CREB5: variants seen among roughly 807,000 people sequenced by gnomAD.
CREB5 encodes the protein cAMP responsive element binding protein 5, also known as cyclic AMP-responsive element-binding protein 5.
A neutral mutation model predicts 57.1 loss-of-function variants in CREB5; 19 were observed. The ratio of observed to expected loss-of-function variants is 0.33; its 90% confidence interval spans 0.23 to 0.49. CREB5 has a LOEUF of 0.49. Among genes scored for constraint, CREB5 ranks in the 20% least tolerant of loss-of-function variants. CREB5 has a pLI of 0.99. For missense variants in CREB5, 579 were observed against 671.6 expected, an observed-to-expected ratio of 0.86 and a Z score of 1.52; for synonymous variants, 238 against 238.3, an observed-to-expected ratio of 1.00 and a Z score of 0.01.
intron 5 of CREB5, among the ~76,000 whole-genome samples, chr7:28,611,895 A>T (rs160373): frequency 2.0e-5 from 3 of 152,082 alleles, no homozygotes; most frequent in Admixed American, 6.5e-5. Flanking sequence ...TATGTAAATT[A>T]TAACTTGACA....
chr7:28,367,154 G>A (rs1786604208), intron 1 of CREB5, among the ~76,000 whole-genome samples: 1 of 151,158 alleles, frequency 6.6e-6, no homozygotes, highest in Non-Finnish European at 1.5e-5. Context: ...TAAGTGTTGA[G>A]CAAAATGGGT....
At chr7:28,577,834 G>A (rs943806925) in intron 5 of CREB5, among the ~76,000 whole-genome samples, 3 of 152,102 alleles carry the variant, frequency 2.0e-5, no homozygotes, top group African/African-American at 7.2e-5. Flanking sequence ...ACTTCTCTGG[G>A]GACTCAGTGC....
chr7:28,591,939 T>C (rs1796536559), intron 5 of CREB5, among the ~76,000 whole-genome samples: 1 of 152,018 alleles, frequency 6.6e-6, no homozygotes, highest in East Asian at 1.9e-4. Context: ...AGATTTCCAA[T>C]TGAATTGAAT....
chr7:28,643,431 A>G (rs1454008718), intron 5 of CREB5, among the ~76,000 whole-genome samples: 1 of 152,180 alleles, frequency 6.6e-6, no homozygotes, highest in East Asian at 1.9e-4. Context: ...TCATTTTTCC[A>G]TTCACTTTCA....
chr7:28,507,620 A>T lies in CREB5; in HGVS notation c.174A>T (p.Gln58His), dbSNP rs145890705. ...SIKTDNMLSD[Q>H]TPTPTRFLKN... is the part of the protein sequence containing the mutation. ...GCTCTCCGACTCTGTTTTCAGATCA[A>T]ACTCCGACCCCAACGAGATTCCTGA... is the stretch of plus-strand genomic sequence containing the variant. Residue 58 changes from glutamine to histidine, a missense_variant, in exon 4 of 11, where the codon CAA (glutamine) becomes CAT (histidine). Gln to His is a conservative substitution (Grantham distance 24, BLOSUM62 0). Transcript: ENST00000357727. The T allele has an allele frequency of 1.2e-6, 2 of 1,609,526 alleles. No homozygotes were observed. The highest frequency in any genetic ancestry group is 1.7e-6 in the Non-Finnish European group (2 of 1,176,686).
rs1795180804 is a variant in CREB5, at chr7:28,560,921, T to TGTGC, written c.292-9443_292-9442insTGCG. Among the ~76,000 whole-genome samples, 37 of 40,572 alleles carry TGTGC rather than the reference T, an allele frequency of 9.1e-4. 1 individual carries two copies. The highest frequency in any genetic ancestry group is 3.8e-3 in the South Asian group (4 of 1,060). The allele number at this position is 40,572 out of a possible 152,430, so 26.6% of individuals were successfully genotyped here. On this transcript the variant is annotated intron_variant, in intron 4 of 10. Transcript: ENST00000357727. ...GCGTGCGCGCGTGCGTGTGCGTGTGTGCGCGTGCGTGTGTGCGTGCGTGTG... is the reference window on the plus strand; with the variant it reads ...GCGTGCGCGCGTGCGTGTGCGTGTGTGTGCGCGCGTGCGTGTGTGCGTGCGTGTG...
intron 4 of CREB5, among the ~76,000 whole-genome samples, chr7:28,519,572 A>G (rs60360127): frequency 0.18 from 27,703 of 152,066 alleles, 4,447 homozygotes; most frequent in African/African-American, 0.44. Flanking sequence ...GTGCCCTCCC[A>G]TAGACTTCCT....
intron 5 of CREB5, among the ~76,000 whole-genome samples, chr7:28,692,943 T>C (rs1801348608): frequency 6.6e-6 from 1 of 152,220 alleles, no homozygotes; most frequent in African/African-American, 2.4e-5. Flanking sequence ...ACATCTTTCC[T>C]TCCTGTACCT....
At chr7:28,569,107 C>T (rs1162444521) in intron 4 of CREB5, among the ~76,000 whole-genome samples, 2 of 151,996 alleles carry the variant, frequency 1.3e-5, no homozygotes, top group Non-Finnish European at 2.9e-5. Context: ...TACTTATTGC[C>T]CTTACCTATT....
At chr7:28,657,402 C>T (rs996640686) in intron 5 of CREB5, among the ~76,000 whole-genome samples, 1 of 152,100 alleles carries the variant, frequency 6.6e-6, no homozygotes, top group African/African-American at 2.4e-5. Context: ...TTCTCCACCA[C>T]CCCCACCACC....
At chr7:28,729,474 G>C (rs1803498758) in intron 7 of CREB5, among the ~76,000 whole-genome samples, 1 of 152,184 alleles carries the variant, frequency 6.6e-6, no homozygotes, top group Non-Finnish European at 1.5e-5. Context: ...GGGTGTGTTT[G>C]TGTTTGCCTT....
chr7:28,735,995 G>A (rs1337479213), intron 7 of CREB5, among the ~76,000 whole-genome samples: 1 of 151,662 alleles, frequency 6.6e-6, no homozygotes, highest in African/African-American at 2.4e-5. Flanking sequence ...ACAGAGACAG[G>A]GTCTCGCGAT....
At chr7:28,460,628 T>C (rs1790311093) in intron 1 of CREB5, among the ~76,000 whole-genome samples, 1 of 152,118 alleles carries the variant, frequency 6.6e-6, no homozygotes, top group Admixed American at 6.5e-5. Flanking sequence ...ATCATGAAGA[T>C]GGTGATAGCT....
intron 7 of CREB5, among the ~76,000 whole-genome samples, chr7:28,745,266 T>G (rs1480699345): frequency 6.6e-6 from 1 of 152,220 alleles, no homozygotes; most frequent in African/African-American, 2.4e-5. Flanking sequence ...TAACACAGGC[T>G]GGGGGAAGGA....
At chr7:28,775,687 A>G (rs1273370296) in intron 7 of CREB5, among the ~76,000 whole-genome samples, 3 of 151,774 alleles carry the variant, frequency 2.0e-5, no homozygotes, top group Non-Finnish European at 2.9e-5. Flanking sequence ...GATTTTCATT[A>G]GTTCATTTCC....
intron 5 of CREB5, among the ~76,000 whole-genome samples, chr7:28,616,796 A>T (rs1265367186): frequency 6.6e-6 from 1 of 152,262 alleles, no homozygotes; most frequent in Non-Finnish European, 1.5e-5. Flanking sequence ...TTAAAAAAAC[A>T]AGTCCATGTT....
chr7:28,320,617 C>T (rs545405042), intron 1 of CREB5, among the ~76,000 whole-genome samples: 1 of 152,214 alleles, frequency 6.6e-6, no homozygotes, highest in Admixed American at 6.5e-5. Flanking sequence ...GGTTCCAAGC[C>T]AAGTACGGGC....
chr7:28,504,490 G>T (rs1290441020), intron 3 of CREB5, among the ~76,000 whole-genome samples: 1 of 152,142 alleles, frequency 6.6e-6, no homozygotes, highest in African/African-American at 2.4e-5. Context: ...AGAACTTAAA[G>T]CCAAGACGAT....
intron 1 of CREB5, among the ~76,000 whole-genome samples, chr7:28,341,141 T>C (rs865957012): frequency 3.3e-5 from 5 of 152,186 alleles, no homozygotes; most frequent in South Asian, 2.1e-4. Flanking sequence ...GTTGGGTAGA[T>C]AGTTGTTCAA....
Sources: gnomAD v4.1 joint callset for allele counts (sites outside exome capture counted in the v4.1 genomes callset) on GRCh38, gnomAD v4.1.1 for gene constraint, MANE v1.5 for transcripts, NCBI Gene and HGNC (gene_info 2026-07-23, HGNC 2026-07-21) for gene names.